Variants in MTCL2 observed in about 807,000 individuals in gnomAD.
MTCL2 encodes the protein microtubule cross-linking factor 2.
At chr20:36,860,697 G>T in the MTCL2 span, among the ~76,000 whole-genome samples, 1 of 152,212 alleles carries the variant, frequency 6.6e-6, no homozygotes, top group Non-Finnish European at 1.5e-5. Context: ...TAACCGTTGA[G>T]GTTGGAAAGC....
At chr20:36,813,102 T>A in the MTCL2 span, among the ~76,000 whole-genome samples, 1 of 152,176 alleles carries the variant, frequency 6.6e-6, no homozygotes, top group Non-Finnish European at 1.5e-5. Context: ...GTGTGCCTTG[T>A]GCACAAACCT....
the MTCL2 span, among the ~76,000 whole-genome samples, chr20:36,844,412 TAATAATAATAACAAC>T: frequency 1.3e-5 from 2 of 149,438 alleles, no homozygotes; most frequent in African/African-American, 4.9e-5. Flanking sequence ...ATAATAATAA[TAATAATAATAACAAC>T]AATAATAATA....
the MTCL2 span, among the ~76,000 whole-genome samples, chr20:36,850,555 C>T: frequency 6.6e-6 from 1 of 151,972 alleles, no homozygotes; most frequent in Non-Finnish European, 1.5e-5. Context: ...AAAAAGCCAC[C>T]TCCACCAAAA....
the MTCL2 span, among the ~76,000 whole-genome samples, chr20:36,855,610 C>G: frequency 2.6e-5 from 4 of 152,214 alleles, no homozygotes; most frequent in African/African-American, 9.6e-5. Flanking sequence ...GCTGGGCAGG[C>G]CCTTGCTTGA....
chr20:36,786,408 A>T, the MTCL2 span: 18 of 1,439,428 alleles, frequency 1.3e-5, no homozygotes, highest in African/African-American at 1.4e-5. Flanking sequence ...CCCTCGCCTC[A>T]CCTCGTCTCG....
chr20:36,808,984 C>T, the MTCL2 span, among the ~76,000 whole-genome samples: 1 of 152,238 alleles, frequency 6.6e-6, no homozygotes, highest in Non-Finnish European at 1.5e-5. Flanking sequence ...ACCATGACAT[C>T]ATATACTGAG....
At chr20:36,809,561 C>CTTGACA in the MTCL2 span, among the ~76,000 whole-genome samples, 1 of 150,772 alleles carries the variant, frequency 6.6e-6, no homozygotes, top group Admixed American at 6.6e-5. Context: ...TCAGGTTTCC[C>CTTGACA]TTGACATTCT....
the MTCL2 span, chr20:36,785,892 C>A: frequency 7.1e-5 from 70 of 985,956 alleles, no homozygotes; most frequent in Non-Finnish European, 8.4e-5. Flanking sequence ...TGGCTACTGC[C>A]CTATCATACT....
the MTCL2 span, chr20:36,786,462 A>AGGCG: frequency 6.6e-7 from 1 of 1,512,654 alleles, no homozygotes; most frequent in Admixed American, 2.0e-5. Context: ...GGGCTGGTTG[A>AGGCG]GGCGGGGAGC....
chr20:36,823,209 G>C, the MTCL2 span, among the ~76,000 whole-genome samples: 2,011 of 152,280 alleles, frequency 0.013, 43 homozygotes, highest in African/African-American at 0.046. Flanking sequence ...AACAAAGAGT[G>C]TTTTAAACAT....
chr20:36,819,610 CA>C, the MTCL2 span, among the ~76,000 whole-genome samples: 109,510 of 126,116 alleles, frequency 0.87, 47,286 homozygotes, highest in African/African-American at 0.93. Flanking sequence ...CAGAATTACT[CA>C]AAAAAAAAAA....
At chr20:36,787,224 CTTTTTTTA>C in the MTCL2 span, among the ~76,000 whole-genome samples, 4 of 151,838 alleles carry the variant, frequency 2.6e-5, no homozygotes, top group Non-Finnish European at 5.9e-5. Flanking sequence ...ACCCAATTCG[CTTTTTTTA>C]TTTTTTTATT....
the MTCL2 span, chr20:36,794,439 G>A: frequency 6.2e-6 from 10 of 1,614,034 alleles, no homozygotes; most frequent in Non-Finnish European, 8.5e-6. This position sits in a 1 kb window ranked among gnomAD's most constrained non-coding sequence, Gnocchi z 5.4. Context: ...GAGAGCCCAG[G>A]CTTCTCCTTG....
chr20:36,815,768 C>T, the MTCL2 span: 31 of 1,590,104 alleles, frequency 1.9e-5, no homozygotes, highest in Admixed American at 3.5e-5. This position sits in a 1 kb window ranked among gnomAD's most constrained non-coding sequence, Gnocchi z 5.3. Context: ...AACTGTCCTC[C>T]GACAGCGCCA....
chr20:36,803,678 G>C, the MTCL2 span, among the ~76,000 whole-genome samples: 6 of 151,818 alleles, frequency 4.0e-5, no homozygotes, highest in African/African-American at 1.5e-4. Flanking sequence ...AATTGGGGCC[G>C]GGAGTGGTGG....
chr20:36,831,761 G>C, the MTCL2 span, among the ~76,000 whole-genome samples: 2 of 152,184 alleles, frequency 1.3e-5, no homozygotes, highest in Non-Finnish European at 1.5e-5. Flanking sequence ...CAACCCCTCA[G>C]TATCAGAACA....
chr20:36,853,508 G>A, the MTCL2 span, among the ~76,000 whole-genome samples: 1 of 152,196 alleles, frequency 6.6e-6, no homozygotes, highest in Non-Finnish European at 1.5e-5. Context: ...ACCGGACTGA[G>A]ACAGAAAAGC....
the MTCL2 span, among the ~76,000 whole-genome samples, chr20:36,820,765 C>T: frequency 1.3e-5 from 2 of 151,960 alleles, no homozygotes; most frequent in Non-Finnish European, 2.9e-5. Flanking sequence ...TCGGTTGAAC[C>T]CATGAGGCAG....
chr20:36,806,252 G>A, the MTCL2 span, among the ~76,000 whole-genome samples: 1 of 152,262 alleles, frequency 6.6e-6, no homozygotes, highest in Admixed American at 6.5e-5. Flanking sequence ...GGACCTTGCT[G>A]GGGGGTTGGA....
Sources: allele counts gnomAD v4.1 joint callset (sites outside exome capture counted in the v4.1 genomes callset), GRCh38; gene constraint gnomAD v4.1.1; non-coding constraint Gnocchi (gnomAD v3.1); transcripts MANE v1.5; gene names NCBI Gene and HGNC (gene_info 2026-07-23, HGNC 2026-07-21).